ADSS1: variants seen among roughly 807,000 people sequenced by gnomAD.
ADSS1 encodes adenylosuccinate synthetase isozyme 1.
Under a neutral mutation model 59.1 loss-of-function variants are expected in ADSS1, and 57 were observed. That is an observed-to-expected ratio of 0.97 (90% CI 0.78 to 1.20). The LOEUF is 1.20. ADSS1 is among the 50% of genes most tolerant of loss of function. The probability of loss-of-function intolerance (pLI) is 0.00; values close to 1 mark genes in which losing one functional copy is unlikely to be tolerated. For synonymous variants in ADSS1, 247 were observed against 249.4 expected (o/e 0.99, Z 0.09); for missense variants, 603 against 610.3 (o/e 0.99, Z 0.13).
intron 8 of ADSS1, among the ~76,000 whole-genome samples, chr14:104,741,499 GC>G (rs1216878788): frequency 5.3e-5 from 8 of 152,148 alleles, no homozygotes; most frequent in African/African-American, 1.9e-4. Context: ...AGGGAGCCTG[GC>G]AAGGTGGGTC....
Position 104,746,312 on chromosome 14 carries a change from C to G in ADSS1, c.1248C>G (p.Ala416=). The change falls in exon 12 of 13, where the codon GCC becomes GCG. Residue 416 remains alanine, a synonymous_variant. Coordinates refer to ENST00000330877, the MANE Select transcript of ADSS1 (RefSeq NM_152328.5). ...GGTGGAAAGCAGACACCACAGGCGC[C>G]AGGAGGTGGGAGGACCTGCCCCCAC... ...LPGWKADTTG[A]RRWEDLPPQA... 6.2e-7 allele frequency: 1 copy of G among 1,613,828 alleles called. No homozygotes were observed. Among genetic ancestry groups the G allele is most frequent in the Non-Finnish European group, 8.5e-7 (1 of 1,179,962 alleles).
At chr14:104,726,422 GTCT>G (rs1890719811) in intron 1 of ADSS1, among the ~76,000 whole-genome samples, 3 of 152,224 alleles carry the variant, frequency 2.0e-5, no homozygotes, top group South Asian at 2.1e-4. Context: ...TCAGGGACTG[GTCT>G]TCTTTGGGGC....
At chr14:104,724,505 G>T in intron 1 of ADSS1, 43 bp downstream of exon 1, 1 of 1,092,660 alleles carries the variant, frequency 9.2e-7, no homozygotes, top group East Asian at 3.8e-5. Context: ...CGCCCAGCGA[G>T]CCCCCCTCCC....
chr14:104,733,669 G>A (rs4983383), intron 1 of ADSS1, among the ~76,000 whole-genome samples: 11,439 of 152,188 alleles, frequency 0.075, 480 homozygotes, highest in African/African-American at 0.099. Flanking sequence ...TCCCCCATGC[G>A]TAGACAAGTT....
At chr14:104,737,475 C>G (rs79384277) in intron 2 of ADSS1, 2 of 152,202 alleles carry the variant, frequency 1.3e-5, no homozygotes, top group Non-Finnish European at 2.9e-5. Flanking sequence ...GTTGATTTCT[C>G]CTTTTGTTTA....
In ADSS1 at chr14:104,746,279, G is replaced by C. The variant is rs748240844; in HGVS notation, c.1215G>C (p.Thr405=). 1.9e-6 allele frequency: 3 copies of C among 1,613,472 alleles called. No individual in the cohort carries two copies. Among genetic ancestry groups the C allele is most frequent in the Non-Finnish European group, 2.5e-6 (3 of 1,179,794 alleles). ...AGAAGGTCGAAGTTGAGTATGAAAC[G>C]CTGCCTGGGTGGAAAGCAGACACCA... is the stretch of plus-strand genomic sequence containing the variant. ...MLQKVEVEYE[T]LPGWKADTTG... Residue 405 remains threonine (T), a synonymous_variant, in exon 12 of 13, where the codon ACG becomes ACC. Transcript: ENST00000330877.
chr14:104,747,081 G>A lies in ADSS1; in HGVS notation c.*78G>A, dbSNP rs371893699. On this transcript the variant is annotated 3_prime_UTR_variant, in exon 13 of 13. Transcript: ENST00000330877. ...ACAGCAGCAGTCACGTTCCTCGGCC[G>A]CCACAACCAACACCAAAGCAGGAAA... The A allele has an allele frequency of 2.1e-5, 28 of 1,326,042 alleles. No individual in the cohort carries two copies. The East Asian group carries it at 3.2e-4, about 15-fold the overall frequency. The allele number at this position is 1,326,042 out of a possible 1,614,324, so 82.1% of individuals were successfully genotyped here.
chr14:104,740,858 C>G lies in ADSS1; in HGVS notation c.604C>G (p.Gln202Glu). The G allele has an allele frequency of 6.2e-7, 1 of 1,613,932 alleles. No homozygotes were observed. The highest frequency in any genetic ancestry group is 8.5e-7 in the Non-Finnish European group (1 of 1,180,022). ...GTGCAGATTCAAGAACCTGGCCCAC[C>G]AGCACCAGTCGATGTTCCCCACCCT... Reference protein sequence around the residue: ...FSSRFKNLAHQHQSMFPTLEI... With the variant: ...FSSRFKNLAHEHQSMFPTLEI... Residue 202 changes from glutamine to glutamate, a missense_variant, in exon 7 of 13, where the codon CAG (glutamine) becomes GAG (glutamate). Transcript: ENST00000330877. This position sits in a 1 kb window ranked among gnomAD's most constrained non-coding sequence, Gnocchi z 4.8.
chr14:104,735,315 C>T (rs569820135), intron 2 of ADSS1, among the ~76,000 whole-genome samples, 193 bp downstream of exon 2: 3 of 152,316 alleles, frequency 2.0e-5, no homozygotes, highest in African/African-American at 7.2e-5. Flanking sequence ...GGGCTGGGAA[C>T]GCAGCTGAGA....
At chr14:104,729,904 G>C (rs1566794277) in intron 1 of ADSS1, 1 of 1,530,342 alleles carries the variant, frequency 6.5e-7, no homozygotes, top group African/African-American at 1.4e-5. Flanking sequence ...TGGTGGGGAG[G>C]AGCTGTGGGG....
chr14:104,724,456 C>A lies in ADSS1; in HGVS notation c.186C>A (p.Arg62=). Residue 62 remains arginine, a synonymous_variant, in exon 1 of 13, where the codon CGC becomes CGA. Coordinates refer to ENST00000330877, the MANE Select transcript of ADSS1 (RefSeq NM_152328.5). ...LLATDADIIS[R]CQGGNNAGHT... The stretch of plus-strand genomic sequence containing the variant: ...CCACGGACGCCGACATCATCAGCCG[C>A]TGCCAGGTGCGGGCTGGGGCGCCGG... 8.0e-7 allele frequency: 1 copy of A among 1,249,750 alleles called. No individual in the cohort carries two copies. Among genetic ancestry groups the A allele is most frequent in the Middle Eastern group, 3.1e-4 (1 of 3,250 alleles). 77.4% of individuals were successfully genotyped at this position (1,249,750 alleles called of 1,614,324 possible). A position where few individuals can be genotyped will look rare whatever the true frequency, so the allele number is the denominator to read the frequency against.
chr14:104,744,671 C>A lies in ADSS1; in HGVS notation c.1074-141C>A, dbSNP rs1052784331. ...CTCTGCAGCCCAATTCCAAACAGGC[C>A]ACCAACCAGTACTGGTCCACAGCCC... On this transcript the variant is annotated intron_variant, in intron 10 of 12. Coordinates refer to ENST00000330877, the MANE Select transcript of ADSS1 (RefSeq NM_152328.5). The A allele has an allele frequency of 8.1e-5, 56 of 694,410 alleles. No individual in the cohort carries two copies. In the African/African-American group the frequency reaches 9.9e-4, roughly 12 times the overall value. The allele number at this position is 694,410 out of a possible 1,614,324, so 43.0% of individuals were successfully genotyped here. A position where few individuals can be genotyped will look rare whatever the true frequency, so the allele number is the denominator to read the frequency against.
At chr14:104,733,473 G>A (rs776230358) in intron 1 of ADSS1, among the ~76,000 whole-genome samples, 6 of 152,226 alleles carry the variant, frequency 3.9e-5, no homozygotes, top group South Asian at 4.1e-4. Flanking sequence ...GGCTGTTTCC[G>A]TGTAACTCTT....
Position 104,724,251 on chromosome 14 carries a change from A to G in ADSS1, c.-20A>G, listed in dbSNP as rs903210548. On this transcript the variant is annotated 5_prime_UTR_variant, in exon 1 of 13. Coordinates refer to ENST00000330877, the MANE Select transcript of ADSS1 (RefSeq NM_152328.5). ...GGCGGGCTCCTGGCCGGGCCAGCGC[A>G]GCGGAAGAGCCAAGCCAGCATGTCG... 1.6e-6 allele frequency: 2 copies of G among 1,224,612 alleles called. No homozygotes were observed. Among genetic ancestry groups the G allele is most frequent in the South Asian group, 8.2e-5 (2 of 24,254 alleles). 75.9% of individuals were successfully genotyped at this position (1,224,612 alleles called of 1,614,324 possible). A position where few individuals can be genotyped will look rare whatever the true frequency, so the allele number is the denominator to read the frequency against.
rs1414787993 is a variant in ADSS1 at position 104,739,668 on chromosome 14, G to A, written c.410-82G>A. ...CCCCCTTCCCAGGAGACTCAGGCCA[G>A]CAGGAGGTGAGGTCCATGTATACAC... On this transcript the variant is annotated intron_variant, in intron 4 of 12. Transcript: ENST00000330877. The A allele has an allele frequency of 6.8e-6, 10 of 1,474,978 alleles. No individual in the cohort carries two copies. The South Asian group carries it at 1.2e-4, about 17-fold the overall frequency. The allele number at this position is 1,474,978 out of a possible 1,614,324, so 91.4% of individuals were successfully genotyped here. A position where few individuals can be genotyped will look rare whatever the true frequency, so the allele number is the denominator to read the frequency against.
intron 4 of ADSS1, 135 bp from the exon 5 acceptor site, chr14:104,739,615 C>T (rs764922837): frequency 9.6e-7 from 1 of 1,047,040 alleles, no homozygotes; most frequent in South Asian, 1.5e-5. Flanking sequence ...GGTCACACCC[C>T]AGTTTGTCCT....
intron 1 of ADSS1, among the ~76,000 whole-genome samples, chr14:104,732,923 G>T (rs1890981976): frequency 6.6e-6 from 1 of 152,220 alleles, no homozygotes; most frequent in African/African-American, 2.4e-5. Flanking sequence ...CCAGGAGGGT[G>T]CTGTGACCCC....
intron 1 of ADSS1, among the ~76,000 whole-genome samples, chr14:104,733,402 C>T (rs891382481): frequency 6.6e-6 from 1 of 152,234 alleles, no homozygotes; most frequent in African/African-American, 2.4e-5. Context: ...GAGCCCCCTG[C>T]CTGGCATCTC....
chr14:104,732,372 C>T (rs1020916612), intron 1 of ADSS1, among the ~76,000 whole-genome samples: 43 of 152,238 alleles, frequency 2.8e-4, no homozygotes, highest in African/African-American at 9.9e-4. Context: ...TGCAGCCTGA[C>T]GTCCTGAGAC....
Sources: gnomAD v4.1 joint callset for allele counts (sites outside exome capture counted in the v4.1 genomes callset) on GRCh38, gnomAD v4.1.1 for gene constraint, Gnocchi (gnomAD v3.1) non-coding constraint, MANE v1.5 for transcripts, NCBI Gene and HGNC (gene_info 2026-07-23, HGNC 2026-07-21) for gene names.